Variants in KCNH1 observed in about 807,000 individuals in gnomAD.
KCNH1 encodes potassium voltage-gated channel subfamily H member 1, also known as voltage-gated delayed rectifier potassium channel KCNH1.
A neutral mutation model predicts 69.2 loss-of-function variants in KCNH1; 27 were observed. That is an observed-to-expected ratio of 0.39 (90% CI 0.29 to 0.54). The LOEUF is 0.54. Among genes scored for constraint, KCNH1 ranks in the 20% least tolerant of loss-of-function variants. The pLI is 0.68. For synonymous variants in KCNH1, 456 were observed against 487.7 expected, an observed-to-expected ratio of 0.93 and a Z score of 0.86; for missense variants, 798 against 1,261.6, an observed-to-expected ratio of 0.63 and a Z score of 5.57.
chr1:211,118,608 C>T (rs1691629159), intron 1 of KCNH1, among the ~76,000 whole-genome samples: 2 of 152,174 alleles, frequency 1.3e-5, no homozygotes, highest in South Asian at 4.1e-4. Context: ...ATAAAACAAA[C>T]ATTCTCTAAA....
chr1:210,975,515 A>G (rs1242051345), intron 6 of KCNH1, among the ~76,000 whole-genome samples: 1 of 152,260 alleles, frequency 6.6e-6, no homozygotes, highest in Non-Finnish European at 1.5e-5. Flanking sequence ...TTCCCTATTT[A>G]ATAAATGGTG....
intron 10 of KCNH1, among the ~76,000 whole-genome samples, chr1:210,692,959 C>T (rs986253208): frequency 5.3e-5 from 8 of 152,190 alleles, no homozygotes; most frequent in African/African-American, 1.9e-4. Flanking sequence ...TTCACCACTT[C>T]CTCCTGTCTC....
intron 7 of KCNH1, among the ~76,000 whole-genome samples, chr1:210,876,190 A>G (rs1686369983): frequency 1.3e-5 from 2 of 152,222 alleles, no homozygotes; most frequent in South Asian, 4.1e-4. Flanking sequence ...AAAGAACAGC[A>G]AAGAGAACTG....
In KCNH1 at chr1:211,099,380, A is replaced by G. The variant is rs77511280; in HGVS notation, c.310+4116T>C. The stretch of plus-strand genomic sequence containing the variant: ...TTAATTTAAAAATCAGATAAAAAAT[A>G]TACTTCAAGATAGTGATATTTCACT... On this transcript the variant is annotated intron_variant, in intron 3 of 10. Coordinates refer to ENST00000271751, the MANE Select transcript of KCNH1 (RefSeq NM_172362.3). Among the ~76,000 whole-genome samples, 151 of 152,322 alleles carry G rather than the reference A, an allele frequency of 9.9e-4. 2 individuals are homozygous for G. The East Asian group carries it at 0.024, about 25-fold the overall frequency.
At chr1:210,989,094 A>G (rs1174800369) in intron 6 of KCNH1, among the ~76,000 whole-genome samples, 1 of 152,214 alleles carries the variant, frequency 6.6e-6, no homozygotes, top group Non-Finnish European at 1.5e-5. Flanking sequence ...TCAAACAGTG[A>G]CATCTTCATA....
In KCNH1 at chr1:210,775,481, T is replaced by C. The variant is rs1683842558; in HGVS notation, c.1979A>G (p.Asn660Ser). The C allele has an allele frequency of 1.2e-6, 2 of 1,614,070 alleles. No homozygotes were observed. Among genetic ancestry groups the C allele is most frequent in the Non-Finnish European group, 1.7e-6 (2 of 1,179,954 alleles). ...ATCACAGTAGGTCAAGGCCCTAACA[T>C]TGGCACAGGACTGGGCAAGGGTGGC... ...KEATLAQSCA[N>S]VRALTYCDLH... The change falls in exon 10 of 11, where the codon AAT becomes AGT. Residue 660 changes from asparagine (N) to serine (S), a missense_variant. This residue lies in a region of KCNH1 where 197 missense variants were observed against 407.7 expected (regional missense o/e 0.48). Transcript: ENST00000271751.
intron 6 of KCNH1, among the ~76,000 whole-genome samples, chr1:210,977,260 C>G (rs961408004): frequency 1.3e-5 from 2 of 152,032 alleles, no homozygotes; most frequent in Non-Finnish European, 2.9e-5. Flanking sequence ...CACTAGGACA[C>G]AGGAAGGGGA....
In KCNH1 at chr1:210,783,686, C is replaced by T. The variant is rs568309721; in HGVS notation, c.1916-8142G>A. On this transcript the variant is annotated intron_variant, in intron 9 of 10. Coordinates refer to ENST00000271751, the MANE Select transcript of KCNH1 (RefSeq NM_172362.3). The stretch of plus-strand genomic sequence containing the variant: ...AAGGGCAACAACCTATTTAGGGTGA[C>T]GTATCACACTAGGAGGAGGCTGGGT... 2.2e-4 allele frequency among the ~76,000 whole-genome samples: 33 copies of T among 152,272 alleles called. No individual in the cohort carries two copies. The South Asian group carries it at 3.1e-3, about 14-fold the overall frequency.
Position 210,682,914 on chromosome 1 carries a change from T to G in KCNH1, c.*367A>C. On this transcript the variant is annotated 3_prime_UTR_variant, in exon 11 of 11. Coordinates refer to ENST00000271751, the MANE Select transcript of KCNH1 (RefSeq NM_172362.3). ...CCCAGCATAGTATATACATGAGAGG[T>G]TCTCGGCACTTTCCCACCAGTCCCC... is the stretch of plus-strand genomic sequence containing the variant. 1 of 247,776 alleles carries G rather than the reference T, an allele frequency of 4.0e-6. No individual in the cohort carries two copies. The highest frequency in any genetic ancestry group is 1.0e-4 in the East Asian group (1 of 9,538). 15.3% of individuals were successfully genotyped at this position (247,776 alleles called of 1,614,324 possible).
rs1048936591 is a variant in KCNH1, at chr1:210,687,461, C to A, written c.2113-3323G>T. Among the ~76,000 whole-genome samples, 2 of 152,270 alleles carry A rather than the reference C, an allele frequency of 1.3e-5. 1 individual carries two copies. Among genetic ancestry groups the A allele is most frequent in the South Asian group, 4.1e-4 (2 of 4,824 alleles). On this transcript the variant is annotated intron_variant, in intron 10 of 10. Coordinates refer to ENST00000271751, the MANE Select transcript of KCNH1 (RefSeq NM_172362.3). ...TTTCCAAAGTGTCATCTTAGGCTGC[C>A]CTCCATCATCCTGTGTGCTAGGCAG...
intron 7 of KCNH1, among the ~76,000 whole-genome samples, chr1:210,884,268 G>T (rs1686556608): frequency 6.6e-6 from 1 of 152,130 alleles, no homozygotes; most frequent in African/African-American, 2.4e-5. Flanking sequence ...CAACAATGTG[G>T]TATCTACATC....
intron 6 of KCNH1, among the ~76,000 whole-genome samples, chr1:210,958,977 G>A (rs1462388548): frequency 6.6e-6 from 1 of 152,160 alleles, no homozygotes; most frequent in East Asian, 1.9e-4. Context: ...GCGATCCTTT[G>A]GAGGAGAAAA....
chr1:210,834,623 A>G (rs1266865909), intron 7 of KCNH1, among the ~76,000 whole-genome samples: 1 of 150,796 alleles, frequency 6.6e-6, no homozygotes, highest in Non-Finnish European at 1.5e-5. Flanking sequence ...AGCATGTCAC[A>G]TGTATACATA....
intron 7 of KCNH1, among the ~76,000 whole-genome samples, chr1:210,827,018 A>AT (rs1235069900): frequency 6.6e-6 from 1 of 152,258 alleles, no homozygotes; most frequent in East Asian, 1.9e-4. Flanking sequence ...TTACAATTTC[A>AT]TAACTATAAT....
At chr1:210,934,341 T>C (rs1189751124) in intron 6 of KCNH1, among the ~76,000 whole-genome samples, 2 of 152,130 alleles carry the variant, frequency 1.3e-5, no homozygotes, top group Non-Finnish European at 2.9e-5. Flanking sequence ...CAGCAAAACA[T>C]TTAAAATAAT....
In KCNH1 at chr1:210,834,593, G is replaced by A. The variant is rs138473047; in HGVS notation, c.1463-30427C>T. Among the ~76,000 whole-genome samples the A allele has an allele frequency of 5.1e-4, 76 of 148,938 alleles. No homozygotes were observed. In the East Asian group the frequency reaches 0.014, roughly 27 times the overall value. On this transcript the variant is annotated intron_variant, in intron 7 of 10. Transcript: ENST00000271751. Reference sequence around the variant, plus strand: ...AGATATACCTAATGCTAGATGACGAGTTAGTGGGTGAAGTGCACCAGCATG... The same window carrying A: ...AGATATACCTAATGCTAGATGACGAATTAGTGGGTGAAGTGCACCAGCATG...
chr1:210,814,765 GAAC>G (rs1247679947), intron 7 of KCNH1, among the ~76,000 whole-genome samples: 1 of 152,172 alleles, frequency 6.6e-6, no homozygotes, highest in Admixed American at 6.5e-5. Context: ...TTTCTTTCCT[GAAC>G]CACCCAGTGT....
intron 10 of KCNH1, among the ~76,000 whole-genome samples, chr1:210,720,930 A>G (rs1682439035): frequency 2.0e-5 from 3 of 152,222 alleles, no homozygotes; most frequent in Non-Finnish European, 4.4e-5. Context: ...TCACTCTGAC[A>G]TTGATGTTGT....
intron 5 of KCNH1, among the ~76,000 whole-genome samples, chr1:211,051,987 C>T (rs1690215710): frequency 6.6e-6 from 1 of 151,938 alleles, no homozygotes; most frequent in Non-Finnish European, 1.5e-5. Flanking sequence ...AAAAAAAATG[C>T]AGAAAATCCC....
Sources: gnomAD v4.1 joint callset for allele counts (sites outside exome capture counted in the v4.1 genomes callset) on GRCh38, gnomAD v4.1.1 for gene constraint, gnomAD v4.1.1 regional missense constraint, MANE v1.5 for transcripts, NCBI Gene and HGNC (gene_info 2026-07-23, HGNC 2026-07-21) for gene names.